Variants in MSH4 observed in about 807,000 individuals in gnomAD.
The protein encoded by MSH4 is mutS protein homolog 4.
MSH4 carries 106 observed loss-of-function variants against 113.7 expected under a neutral mutation model. That is an observed-to-expected ratio of 0.93 (90% CI 0.80 to 1.10). The LOEUF (loss-of-function observed/expected upper bound fraction) is 1.10, where lower values mean the gene tolerates loss of function less well. MSH4 is among the 50% of genes least tolerant of loss of function. The pLI is 0.00. For synonymous variants in MSH4, 368 were observed against 380.2 expected (o/e 0.97, Z 0.37); for missense variants, 1,061 against 1,093.7 (o/e 0.97, Z 0.42).
chr1:75,861,436 G>A (rs752809986), intron 8 of MSH4, among the ~76,000 whole-genome samples: 4 of 152,124 alleles, frequency 2.6e-5, no homozygotes, highest in Non-Finnish European at 5.9e-5. Context: ...GGTAACCTAC[G>A]GATGGGGTTT....
At chr1:75,911,740 A>G (rs1652791625) in intron 19 of MSH4, among the ~76,000 whole-genome samples, 1 of 152,118 alleles carries the variant, frequency 6.6e-6, no homozygotes, top group South Asian at 2.1e-4. Flanking sequence ...CTGTGTACCA[A>G]ATAGATAGAT....
At chr1:75,872,169 C>G (rs1215635019) in intron 9 of MSH4, among the ~76,000 whole-genome samples, 1 of 152,116 alleles carries the variant, frequency 6.6e-6, no homozygotes, top group Admixed American at 6.6e-5. Context: ...CTGTGCATTC[C>G]CAGATTCTTC....
chr1:75,858,095 G>C (rs1182800946), intron 8 of MSH4, among the ~76,000 whole-genome samples: 1 of 152,150 alleles, frequency 6.6e-6, no homozygotes, highest in Non-Finnish European at 1.5e-5. Flanking sequence ...AGGCATGCTT[G>C]TGATTTTGCA....
chr1:75,900,348 C>T (rs1176996666), intron 19 of MSH4, among the ~76,000 whole-genome samples: 1 of 152,066 alleles, frequency 6.6e-6, no homozygotes, highest in Non-Finnish European at 1.5e-5. Flanking sequence ...GTCATCCAGG[C>T]TGGAGTGCAA....
At chr1:75,816,666 G>A (rs1482301567) in intron 6 of MSH4, 120 bp downstream of exon 6, 2 of 509,464 alleles carry the variant, frequency 3.9e-6, no homozygotes, top group African/African-American at 4.0e-5. Flanking sequence ...TGCTCTTGTT[G>A]CCCAGGCTGG....
chr1:75,906,219 G>GT (rs1283541402), intron 19 of MSH4, among the ~76,000 whole-genome samples: 3 of 150,394 alleles, frequency 2.0e-5, no homozygotes, highest in Non-Finnish European at 4.4e-5. Context: ...TTGAACTCCT[G>GT]TTTTTTTAAG....
At chr1:75,821,990 A>C (rs1193502959) in intron 6 of MSH4, among the ~76,000 whole-genome samples, 1 of 152,204 alleles carries the variant, frequency 6.6e-6, no homozygotes, top group Admixed American at 6.5e-5. Context: ...AAAGTTTAAG[A>C]ATCATTGCTG....
Position 75,809,453 on chromosome 1 carries a change from A to T in MSH4, c.589-1244A>T, listed in dbSNP as rs1007683512. Among the ~76,000 whole-genome samples the T allele has an allele frequency of 1.8e-4, 28 of 152,182 alleles. No individual in the cohort carries two copies. In the East Asian group the frequency reaches 4.1e-3, roughly 22 times the overall value. ...CAAAAGAGTAGGAAAAAAGTTTTTA[A>T]AAAAAAGGAATGTTAGACAAATTGA... On this transcript the variant is annotated intron_variant, in intron 3 of 19. Transcript: ENST00000263187.
intron 4 of MSH4, among the ~76,000 whole-genome samples, chr1:75,811,414 G>A (rs1650187243): frequency 6.6e-6 from 1 of 152,166 alleles, no homozygotes; most frequent in African/African-American, 2.4e-5. Context: ...ACAAGGGGCA[G>A]ACCCATAGAG....
intron 15 of MSH4, among the ~76,000 whole-genome samples, chr1:75,888,056 ATGGT>A (rs1652165327): frequency 6.7e-6 from 1 of 149,418 alleles, no homozygotes. Context: ...AGTATGTCGA[ATGGT>A]ATAGGTGCCG....
chr1:75,814,742 C>T (rs1650261115), intron 4 of MSH4, among the ~76,000 whole-genome samples: 1 of 151,854 alleles, frequency 6.6e-6, no homozygotes, highest in South Asian at 2.1e-4. Context: ...TTACTAAAGG[C>T]AATAAAAAAT....
In MSH4 at chr1:75,897,779, G is replaced by C. The variant is rs1204296351; in HGVS notation, c.2356-128G>C. 2.1e-5 allele frequency: 10 copies of C among 485,800 alleles called. No homozygotes were observed. In the South Asian group the frequency reaches 7.9e-4, roughly 38 times the overall value. The allele number at this position is 485,800 out of a possible 1,614,324, so 30.1% of individuals were successfully genotyped here. A position where few individuals can be genotyped will look rare whatever the true frequency, so the allele number is the denominator to read the frequency against. ...GATAATGTTAGCCTCCAAATTATTA[G>C]TTTTATTCCTACATCTCTGCCAAGC... On this transcript the variant is annotated intron_variant, in intron 17 of 19. Transcript: ENST00000263187.
At chr1:75,848,332 G>C in intron 8 of MSH4, 56 bp downstream of exon 8, 1 of 1,194,346 alleles carries the variant, frequency 8.4e-7, no homozygotes, top group East Asian at 2.4e-5. Context: ...GATGGAACTT[G>C]TCTTAATGTA....
At chr1:75,873,996 C>G (rs1651764991) in intron 9 of MSH4, among the ~76,000 whole-genome samples, 1 of 152,166 alleles carries the variant, frequency 6.6e-6, no homozygotes, top group East Asian at 1.9e-4. Flanking sequence ...GGAATTGCCA[C>G]ACTGCTTTCC....
At chr1:75,880,518 G>A (rs768200210) in intron 13 of MSH4, among the ~76,000 whole-genome samples, 14 of 151,976 alleles carry the variant, frequency 9.2e-5, no homozygotes, top group Non-Finnish European at 1.9e-4. Context: ...AATAGTGTCA[G>A]TTCTTTTGCT....
At position 75,848,619 on chromosome 1, in the gene MSH4, T is replaced by C. The variant is rs191874368; in HGVS notation, c.1230+343T>C. 1.4e-3 allele frequency among the ~76,000 whole-genome samples: 219 copies of C among 152,214 alleles called. 1 individual carries two copies. The highest frequency in any genetic ancestry group is 5.1e-3 in the African/African-American group (211 of 41,532). ...TGGGCATGCTGTTGCATGCTTGTAGTCCCAGCTCCTGGGGAGGCTGAGGTG... is the reference window on the plus strand; with the variant it reads ...TGGGCATGCTGTTGCATGCTTGTAGCCCCAGCTCCTGGGGAGGCTGAGGTG... On this transcript the variant is annotated intron_variant, in intron 8 of 19. Coordinates refer to ENST00000263187, the MANE Select transcript of MSH4 (RefSeq NM_002440.4).
rs1367931639 is a variant in MSH4, at chr1:75,912,706, G to T, written c.2630G>T (p.Arg877Met). 4 of 1,515,298 alleles carry T rather than the reference G, an allele frequency of 2.6e-6. No homozygotes were observed. Among genetic ancestry groups the T allele is most frequent in the Non-Finnish European group, 3.5e-6 (4 of 1,141,284 alleles). The allele number at this position is 1,515,298 out of a possible 1,614,324, so 93.9% of individuals were successfully genotyped here. Residue 877 changes from arginine to methionine, a missense_variant, in exon 20 of 20, where the codon AGG becomes ATG. By Grantham distance (91) the Arg-to-Met change is moderately conservative (BLOSUM62 -1). Transcript: ENST00000263187. Reference protein sequence around the residue: ...QITRQILQNQRSTPEMERQRA... With the variant: ...QITRQILQNQMSTPEMERQRA... ...TTTTTTCAATGACAGCAAAACCAAA[G>T]GAGTACCCCTGAGATGGAAAGACAG...
intron 16 of MSH4, among the ~76,000 whole-genome samples, chr1:75,889,590 A>T (rs1652205188): frequency 6.6e-6 from 1 of 152,176 alleles, no homozygotes; most frequent in African/African-American, 2.4e-5. Context: ...AGCTAGCATT[A>T]TTAAGTAATA....
At chr1:75,810,141 T>C (rs1379830028) in intron 3 of MSH4, among the ~76,000 whole-genome samples, 2 of 152,068 alleles carry the variant, frequency 1.3e-5, no homozygotes, top group Non-Finnish European at 2.9e-5. Context: ...CAGTATTTTA[T>C]GTTAGTAGTT....
Sources: gnomAD v4.1 joint callset for allele counts (sites outside exome capture counted in the v4.1 genomes callset) on GRCh38, gnomAD v4.1.1 for gene constraint, MANE v1.5 for transcripts, NCBI Gene and HGNC (gene_info 2026-07-23, HGNC 2026-07-21) for gene names.